Variants in GALNTL5 observed in about 807,000 individuals in gnomAD.
The protein encoded by GALNTL5 is inactive polypeptide N-acetylgalactosaminyltransferase-like protein 5.
A neutral mutation model predicts 51.0 loss-of-function variants in GALNTL5; 44 were observed. The ratio of observed to expected loss-of-function variants is 0.86; its 90% CI spans 0.68 to 1.11. The LOEUF is 1.11. Ranked by LOEUF, GALNTL5 falls within the 50% of genes least tolerant of loss-of-function variation. GALNTL5 has a pLI of 0.00. For missense variants in GALNTL5, 528 were observed against 531.8 expected, an observed-to-expected ratio of 0.99 and a Z score of 0.07; for synonymous variants, 192 against 182.8, an observed-to-expected ratio of 1.05 and a Z score of -0.41.
intron 6 of GALNTL5, among the ~76,000 whole-genome samples, chr7:152,004,437 A>C (rs1275652136): frequency 6.6e-6 from 1 of 151,794 alleles, no homozygotes; most frequent in African/African-American, 2.4e-5. Context: ...AATAAATTTT[A>C]TTTTGTTATT....
intron 2 of GALNTL5, among the ~76,000 whole-genome samples, chr7:151,968,881 T>G (rs1449847865): frequency 1.3e-5 from 2 of 152,246 alleles, no homozygotes; most frequent in African/African-American, 2.4e-5. Context: ...CTAATGATTT[T>G]GAGCACATTT....
At chr7:152,000,224 A>G (rs1457348361) in intron 5 of GALNTL5, among the ~76,000 whole-genome samples, 3 of 152,162 alleles carry the variant, frequency 2.0e-5, no homozygotes, top group African/African-American at 7.2e-5. Context: ...TTGGAGAGAG[A>G]GCTATAGGGA....
At chr7:151,979,203 G>A (rs560509634) in intron 3 of GALNTL5, among the ~76,000 whole-genome samples, 10 of 140,748 alleles carry the variant, frequency 7.1e-5, no homozygotes, top group South Asian at 6.9e-4. Context: ...TCCACCTCCC[G>A]GGTTCACGCC....
At chr7:151,988,715 C>CTTTTT (rs3037136) in intron 5 of GALNTL5, among the ~76,000 whole-genome samples, 1 of 143,234 alleles carries the variant, frequency 7.0e-6, no homozygotes, top group Non-Finnish European at 1.5e-5. Context: ...ATTTATTTTA[C>CTTTTT]TTTTTTTTTT....
At chr7:152,012,402 A>G (rs1296953188) in intron 7 of GALNTL5, among the ~76,000 whole-genome samples, 1 of 151,146 alleles carries the variant, frequency 6.6e-6, no homozygotes, top group African/African-American at 2.4e-5. Context: ...AAACAAAAAA[A>G]CAAACAGATG....
intron 3 of GALNTL5, among the ~76,000 whole-genome samples, chr7:151,979,875 CCAA>C (rs2081257661): frequency 6.6e-6 from 1 of 152,172 alleles, no homozygotes; most frequent in African/African-American, 2.4e-5. Context: ...GGCTCCTCCA[CCAA>C]CATCAAACTG....
At chr7:151,959,856 A>G (rs1228246773) in intron 1 of GALNTL5, among the ~76,000 whole-genome samples, 2 of 151,984 alleles carry the variant, frequency 1.3e-5, no homozygotes, top group Non-Finnish European at 2.9e-5. Context: ...CTTGTTGGGG[A>G]GCAGTGGGCC....
At chr7:151,999,682 T>C (rs760412644) in intron 5 of GALNTL5, among the ~76,000 whole-genome samples, 2 of 152,172 alleles carry the variant, frequency 1.3e-5, no homozygotes, top group Non-Finnish European at 2.9e-5. Flanking sequence ...TTTTCACCTA[T>C]CAAATGAGCA....
At chr7:151,963,668 G>A (rs1015648510) in intron 1 of GALNTL5, among the ~76,000 whole-genome samples, 33 of 152,180 alleles carry the variant, frequency 2.2e-4, no homozygotes, top group Non-Finnish European at 4.6e-4. Flanking sequence ...GAAGTGCTGG[G>A]ATTACAGGCA....
At chr7:152,009,411 T>C (rs1231090275) in intron 7 of GALNTL5, among the ~76,000 whole-genome samples, 1 of 152,210 alleles carries the variant, frequency 6.6e-6, no homozygotes, top group Non-Finnish European at 1.5e-5. Context: ...CTGTCTTTTC[T>C]GGAAGTTTTC....
chr7:151,995,347 A>ATTTTTT (rs1563017632), intron 5 of GALNTL5: 2 of 90,980 alleles, frequency 2.2e-5, no homozygotes, highest in Non-Finnish European at 4.4e-5. Context: ...AGTTGGTATG[A>ATTTTTT]ATTTTTTTTT....
intron 4 of GALNTL5, among the ~76,000 whole-genome samples, chr7:151,985,285 A>G (rs2081347244): frequency 6.6e-6 from 1 of 152,092 alleles, no homozygotes; most frequent in South Asian, 2.1e-4. Flanking sequence ...GGTCCCCTTT[A>G]TGAGAGACTA....
At chr7:152,005,123 A>G (rs998529902) in intron 6 of GALNTL5, among the ~76,000 whole-genome samples, 2 of 152,170 alleles carry the variant, frequency 1.3e-5, no homozygotes, top group Non-Finnish European at 2.9e-5. Flanking sequence ...TCTGTTACAT[A>G]TTAGTCATGG....
At chr7:151,983,469 C>G (rs746881547) in intron 4 of GALNTL5, among the ~76,000 whole-genome samples, 8 of 152,130 alleles carry the variant, frequency 5.3e-5, no homozygotes, top group Non-Finnish European at 7.3e-5. Context: ...TGAGCCACGA[C>G]GCCTGACCAT....
intron 7 of GALNTL5, among the ~76,000 whole-genome samples, chr7:152,009,277 C>A (rs2081697469): frequency 6.6e-6 from 1 of 152,184 alleles, no homozygotes; most frequent in Non-Finnish European, 1.5e-5. Context: ...AATCGATATC[C>A]TGGAAGGCCC....
At chr7:151,993,168 A>G in intron 5 of GALNTL5, among the ~76,000 whole-genome samples, 1 of 150,658 alleles carries the variant, frequency 6.6e-6, no homozygotes, top group Admixed American at 6.6e-5. Context: ...CAGGAGGTGG[A>G]GGCTGCAGTG....
At chr7:151,982,634 C>CA (rs60682039) in intron 3 of GALNTL5, among the ~76,000 whole-genome samples, 1,694 of 126,968 alleles carry the variant, frequency 0.013, 24 homozygotes, top group African/African-American at 0.043. Flanking sequence ...ATGGTGACAG[C>CA]AAAAAAAAAA....
rs1336314110 is a variant in GALNTL5, at chr7:151,987,226, C to G, written c.603C>G (p.Asn201Lys). The G allele has an allele frequency of 6.3e-7, 1 of 1,598,696 alleles. No homozygotes were observed. Among genetic ancestry groups the G allele is most frequent in the Non-Finnish European group, 8.5e-7 (1 of 1,175,234 alleles). The change falls in exon 5 of 9, where the codon AAC (asparagine) becomes AAG (lysine). Residue 201 changes from asparagine to lysine, a missense_variant. Asn to Lys is a moderately conservative substitution (Grantham distance 94, BLOSUM62 0). Coordinates refer to ENST00000392800, the MANE Select transcript of GALNTL5 (RefSeq NM_145292.4). ...TFRGKVKIIR[N>K]KKREGLIRAR... ...GGGGAAAGGTTAAAATAATAAGAAA[C>G]AAAAAGAGAGAGGGGCTGATTCGAG... is the stretch of plus-strand genomic sequence containing the variant.
chr7:151,994,784 G>C (rs1358452537), intron 5 of GALNTL5, among the ~76,000 whole-genome samples: 2 of 146,864 alleles, frequency 1.4e-5, no homozygotes, highest in Non-Finnish European at 3.0e-5. Context: ...TTTTGACAGA[G>C]TCTCGTTCTG....
Sources: allele counts gnomAD v4.1 joint callset (sites outside exome capture counted in the v4.1 genomes callset), GRCh38; gene constraint gnomAD v4.1.1; transcripts MANE v1.5; gene names NCBI Gene and HGNC (gene_info 2026-07-23, HGNC 2026-07-21).